Variants in RNF13 observed in about 807,000 individuals in gnomAD.
RNF13 encodes the protein E3 ubiquitin-protein ligase RNF13.
Under a neutral mutation model 37.7 loss-of-function variants are expected in RNF13, and 19 were observed. The ratio of observed to expected loss-of-function variants is 0.50; its 90% CI spans 0.35 to 0.74. The LOEUF (loss-of-function observed/expected upper bound fraction) is 0.74, where lower values mean the gene tolerates loss of function less well. Among genes scored for constraint, RNF13 ranks in the 30% least tolerant of loss-of-function variants. The pLI is 0.01. For synonymous variants in RNF13, 144 were observed against 157.8 expected (o/e 0.91, Z 0.65); for missense variants, 375 against 453.0 (o/e 0.83, Z 1.56).
At chr3:149,951,927 T>A (rs1051757638) in intron 8 of RNF13, among the ~76,000 whole-genome samples, 2 of 152,146 alleles carry the variant, frequency 1.3e-5, no homozygotes, top group African/African-American at 4.8e-5. Context: ...CTCCAAACAC[T>A]AGTAAATACT....
chr3:149,889,724 G>T (rs1714491090), intron 4 of RNF13, among the ~76,000 whole-genome samples: 2 of 140,570 alleles, frequency 1.4e-5, no homozygotes, highest in Non-Finnish European at 3.1e-5. Context: ...GTGCGATCTC[G>T]GCTCACTGCA....
At chr3:149,838,203 G>A (rs1380072904) in intron 1 of RNF13, among the ~76,000 whole-genome samples, 1 of 152,228 alleles carries the variant, frequency 6.6e-6, no homozygotes, top group Admixed American at 6.5e-5. Flanking sequence ...CCTCTTGGCT[G>A]CTTTCATGGG....
intron 8 of RNF13, among the ~76,000 whole-genome samples, chr3:149,932,459 A>G (rs1719255333): frequency 6.6e-6 from 1 of 152,170 alleles, no homozygotes; most frequent in African/African-American, 2.4e-5. Flanking sequence ...CTCAAGACAC[A>G]TTTCTTTCCA....
chr3:149,903,974 TCTATCTACCTAC>T lies in RNF13; in HGVS notation c.500+1816_500+1827del, dbSNP rs1261470006. On this transcript the variant is annotated intron_variant, in intron 6 of 9. Coordinates refer to ENST00000392894, the MANE Select transcript of RNF13 (RefSeq NM_183381.3). Reference sequence around the variant, plus strand: ...GTCTGTCTGTCTGTCTGTCTGTCTATCTATCTACCTACCTACCTACCTATACCTATCATCTAT... The same window carrying T: ...GTCTGTCTGTCTGTCTGTCTGTCTATCTACCTACCTATACCTATCATCTAT... Among the ~76,000 whole-genome samples, 6 of 151,522 alleles carry T rather than the reference TCTATCTACCTAC, an allele frequency of 4.0e-5. No individual in the cohort carries two copies. In the East Asian group the frequency reaches 1.2e-3, roughly 29 times the overall value.
chr3:149,956,136 G>A (rs1721841211), intron 8 of RNF13, among the ~76,000 whole-genome samples: 3 of 152,044 alleles, frequency 2.0e-5, no homozygotes, highest in African/African-American at 7.2e-5. Context: ...TCATAAGGAG[G>A]TCAAATTTTA....
chr3:149,933,882 C>T (rs1442214822), intron 8 of RNF13, among the ~76,000 whole-genome samples: 2 of 152,142 alleles, frequency 1.3e-5, no homozygotes, highest in Admixed American at 6.5e-5. Context: ...CCATGCTCAG[C>T]CTCTAACAGT....
chr3:149,932,878 C>T (rs1013976913), intron 8 of RNF13, among the ~76,000 whole-genome samples: 1 of 152,224 alleles, frequency 6.6e-6, no homozygotes, highest in African/African-American at 2.4e-5. Flanking sequence ...TGTTGGGGAT[C>T]CAACCTTACA....
chr3:149,855,557 AATAC>A (rs1176316564), intron 3 of RNF13, among the ~76,000 whole-genome samples: 1 of 150,978 alleles, frequency 6.6e-6, no homozygotes, highest in Non-Finnish European at 1.5e-5. Flanking sequence ...ATATATTAAA[AATAC>A]ATATATACGT....
At chr3:149,893,116 A>G (rs186765180) in intron 4 of RNF13, among the ~76,000 whole-genome samples, 134 of 152,252 alleles carry the variant, frequency 8.8e-4, no homozygotes, top group East Asian at 5.8e-3. Context: ...TTGATCCTCA[A>G]GTTCCACATT....
intron 6 of RNF13, among the ~76,000 whole-genome samples, chr3:149,904,847 C>G (rs892641968): frequency 1.3e-5 from 2 of 152,016 alleles, no homozygotes; most frequent in African/African-American, 4.8e-5. Flanking sequence ...ATCTCCTCTC[C>G]CCTATCTTCT....
At chr3:149,846,922 A>T (rs1407657145) in intron 2 of RNF13, among the ~76,000 whole-genome samples, 1 of 152,220 alleles carries the variant, frequency 6.6e-6, no homozygotes, top group Admixed American at 6.5e-5. Flanking sequence ...TTGATGGTGG[A>T]TAGAAAAGTT....
At chr3:149,900,711 T>C (rs921653969) in intron 5 of RNF13, among the ~76,000 whole-genome samples, 2 of 152,242 alleles carry the variant, frequency 1.3e-5, no homozygotes, top group African/African-American at 4.8e-5. Context: ...CCCATTGATA[T>C]AAAAAATAAA....
At chr3:149,920,789 T>C (rs1718038604) in intron 7 of RNF13, among the ~76,000 whole-genome samples, 1 of 111,158 alleles carries the variant, frequency 9.0e-6, no homozygotes, top group South Asian at 3.4e-4. Context: ...ACCTTCCCAT[T>C]CTTTTTTTTT....
intron 3 of RNF13, among the ~76,000 whole-genome samples, chr3:149,853,688 ATTC>A (rs3039645): frequency 0.69 from 103,900 of 151,270 alleles, 36,435 homozygotes; most frequent in East Asian, 0.9. Context: ...GTAGTTAAAA[ATTC>A]TTCTTTTTCC....
At chr3:149,838,893 G>A (rs1318608298) in intron 1 of RNF13, among the ~76,000 whole-genome samples, 6 of 135,298 alleles carry the variant, frequency 4.4e-5, no homozygotes, top group Non-Finnish European at 3.1e-5. Flanking sequence ...TTTATGCTCT[G>A]CTTCCCTTAA....
Position 149,916,893 on chromosome 3 carries a change from T to G in RNF13, c.607-4241T>G, listed in dbSNP as rs187693198. 7.2e-5 allele frequency among the ~76,000 whole-genome samples: 11 copies of G among 152,336 alleles called. No individual in the cohort carries two copies. The East Asian group carries it at 9.6e-4, about 13-fold the overall frequency. On this transcript the variant is annotated intron_variant, in intron 7 of 9. Transcript: ENST00000392894. ...TCAGCTAAATGCTTATTTTTTTCTT[T>G]CTAGTATATGCATTTAGGTTATAAA... is the stretch of plus-strand genomic sequence containing the variant.
intron 8 of RNF13, among the ~76,000 whole-genome samples, chr3:149,946,858 T>C (rs1202023311): frequency 6.6e-6 from 1 of 152,210 alleles, no homozygotes; most frequent in Non-Finnish European, 1.5e-5. Context: ...ATTATTCCTT[T>C]AAGTGTCAGG....
chr3:149,880,424 T>C (rs753900229), intron 4 of RNF13, among the ~76,000 whole-genome samples: 3 of 152,224 alleles, frequency 2.0e-5, no homozygotes, highest in Non-Finnish European at 4.4e-5. Flanking sequence ...CTTTTTTAGA[T>C]TTAAATTGCA....
Position 149,852,590 on chromosome 3 carries a change from T to C in RNF13, c.189T>C (p.Gly63=). The C allele has an allele frequency of 1.3e-6, 2 of 1,528,494 alleles. No homozygotes were observed. Among genetic ancestry groups the C allele is most frequent in the Non-Finnish European group, 1.8e-6 (2 of 1,118,690 alleles). The allele number at this position is 1,528,494 out of a possible 1,614,324, so 94.7% of individuals were successfully genotyped here. A position where few individuals can be genotyped will look rare whatever the true frequency, so the allele number is the denominator to read the frequency against. The change falls in exon 3 of 10, where the codon GGT becomes GGC. Residue 63 remains glycine (G), a synonymous_variant. Transcript: ENST00000392894. The part of the protein sequence containing the change: ...ARFGYRLPAE[G]LKGFLINSKP... ...TTGGTTATAGACTTCCAGCTGAAGG[T>C]TTAAAGGTAAGACAGTTGGTAATAC...
Sources: allele counts gnomAD v4.1 joint callset (sites outside exome capture counted in the v4.1 genomes callset), GRCh38; gene constraint gnomAD v4.1.1; transcripts MANE v1.5; gene names NCBI Gene and HGNC (gene_info 2026-07-23, HGNC 2026-07-21).